Variants in CLMP observed in about 807,000 individuals in gnomAD.
CLMP encodes the protein CXADR-like membrane protein.
CLMP carries 27 observed loss-of-function variants against 45.2 expected under a neutral mutation model. The observed-to-expected ratio is 0.60, with a 90% CI of 0.44 to 0.82. The LOEUF (loss-of-function observed/expected upper bound fraction) is 0.82. Among genes scored for constraint, CLMP ranks in the 40% least tolerant of loss-of-function variants. The pLI is 0.00. For missense variants in CLMP, 403 were observed against 448.4 expected, an observed-to-expected ratio of 0.90 and a Z score of 0.91; for synonymous variants, 167 against 171.4, an observed-to-expected ratio of 0.97 and a Z score of 0.20.
intron 1 of CLMP, among the ~76,000 whole-genome samples, chr11:123,160,901 C>A (rs967973339): frequency 1.3e-5 from 2 of 151,496 alleles, no homozygotes; most frequent in African/African-American, 2.4e-5. Context: ...TTGCTTGAAC[C>A]CAGGAGGTGG....
rs568282136 is a variant in CLMP at position 123,164,595 on chromosome 11, T to C, written c.28+30318A>G. ...CTGGAGTTAAAGATGTGAGCCACCA[T>C]GCCTGGCTTGATTTTTTTTTTTTTA... On this transcript the variant is annotated intron_variant, in intron 1 of 6. Coordinates refer to ENST00000448775, the MANE Select transcript of CLMP (RefSeq NM_024769.5). 3.9e-5 allele frequency among the ~76,000 whole-genome samples: 6 copies of C among 152,174 alleles called. No individual in the cohort carries two copies. In the East Asian group the frequency reaches 7.7e-4, roughly 20 times the overall value.
chr11:123,081,985 G>C (rs1865809687), intron 5 of CLMP, among the ~76,000 whole-genome samples: 1 of 152,198 alleles, frequency 6.6e-6, no homozygotes, highest in South Asian at 2.1e-4. Flanking sequence ...TTGAAATCCA[G>C]GCAGTTATCT....
In CLMP at chr11:123,195,019, G is replaced by T. The variant is rs1861962511; in HGVS notation, c.-79C>A. On this transcript the variant is annotated 5_prime_UTR_variant, in exon 1 of 7. Coordinates refer to ENST00000448775, the MANE Select transcript of CLMP (RefSeq NM_024769.5). ...CGGCCGGGCGCCTCCGACGGACCTC[G>T]GGCGAGCTGGGCGCGGCGCCTCGGG... 3 of 1,429,034 alleles carry T rather than the reference G, an allele frequency of 2.1e-6. No homozygotes were observed. Among genetic ancestry groups the T allele is most frequent in the Non-Finnish European group, 2.8e-6 (3 of 1,063,700 alleles). The allele number at this position is 1,429,034 out of a possible 1,614,324, so 88.5% of individuals were successfully genotyped here. A position where few individuals can be genotyped will look rare whatever the true frequency, so the allele number is the denominator to read the frequency against.
At chr11:123,111,294 C>G (rs145086763) in intron 1 of CLMP, among the ~76,000 whole-genome samples, 1 of 152,138 alleles carries the variant, frequency 6.6e-6, no homozygotes, top group South Asian at 2.1e-4. Flanking sequence ...CCACACCCAG[C>G]TCATTTTTGT....
chr11:123,111,564 C>G (rs1168651356), intron 1 of CLMP, among the ~76,000 whole-genome samples: 2 of 152,134 alleles, frequency 1.3e-5, no homozygotes, highest in Non-Finnish European at 2.9e-5. Context: ...TTCTGTTGCT[C>G]TTTTAATCCA....
At position 123,158,089 on chromosome 11, in the gene CLMP, A is replaced by G. The variant is rs1053266240; in HGVS notation, c.28+36824T>C. 2.0e-5 allele frequency among the ~76,000 whole-genome samples: 3 copies of G among 152,088 alleles called. No homozygotes were observed. The East Asian group carries it at 5.8e-4, about 29-fold the overall frequency. On this transcript the variant is annotated intron_variant, in intron 1 of 6. Coordinates refer to ENST00000448775, the MANE Select transcript of CLMP (RefSeq NM_024769.5). ...AAAGTACTCTGTACTGCTTCACTCA[A>G]ACTCCGACACCCAGCAAGCCTTTGT...
chr11:123,082,938 G>A, intron 5 of CLMP, 147 bp downstream of exon 5: 1 of 939,756 alleles, frequency 1.1e-6, no homozygotes, highest in Middle Eastern at 2.4e-4. Flanking sequence ...TGCAACTACT[G>A]AATTTATTTT....
At chr11:123,083,640 T>A in intron 4 of CLMP, 40 bp downstream of exon 4, 2 of 1,604,638 alleles carry the variant, frequency 1.2e-6, no homozygotes, top group Non-Finnish European at 1.7e-6. Context: ...GATAGAGGAC[T>A]ATTTTGTTGG....
chr11:123,106,432 C>A (rs1036513148), intron 1 of CLMP, among the ~76,000 whole-genome samples: 1 of 96,378 alleles, frequency 1.0e-5, no homozygotes, highest in Non-Finnish European at 2.1e-5. Context: ...TGTGCGCGCG[C>A]GCGCGCGCAC....
chr11:123,178,216 T>C (rs1212153186), intron 1 of CLMP, among the ~76,000 whole-genome samples: 1 of 152,186 alleles, frequency 6.6e-6, no homozygotes. Context: ...ATGACCTCCA[T>C]AGAGCAATGG....
intron 5 of CLMP, among the ~76,000 whole-genome samples, chr11:123,077,619 C>G (rs1865756017): frequency 6.6e-6 from 1 of 152,110 alleles, no homozygotes; most frequent in Non-Finnish European, 1.5e-5. Flanking sequence ...AGCCACATGC[C>G]CAGCCAAAAT....
At chr11:123,170,553 C>T (rs1301886704) in intron 1 of CLMP, among the ~76,000 whole-genome samples, 3 of 151,804 alleles carry the variant, frequency 2.0e-5, no homozygotes, top group African/African-American at 7.3e-5. Flanking sequence ...GATTCTCCTG[C>T]CTCTGCCTCC....
chr11:123,121,615 T>A (rs184838922), intron 1 of CLMP, among the ~76,000 whole-genome samples: 1 of 152,098 alleles, frequency 6.6e-6, no homozygotes, highest in East Asian at 1.9e-4. Context: ...AATTTTAAAA[T>A]CACATATCTG....
intron 1 of CLMP, among the ~76,000 whole-genome samples, chr11:123,106,400 T>C (rs1328098167): frequency 1.7e-5 from 2 of 119,018 alleles, no homozygotes; most frequent in African/African-American, 3.1e-5. Context: ...TGTGTGTGTG[T>C]GTGTGTGTGT....
chr11:123,158,619 C>T (rs953207247), intron 1 of CLMP, among the ~76,000 whole-genome samples: 2 of 152,184 alleles, frequency 1.3e-5, no homozygotes, highest in South Asian at 4.1e-4. Context: ...CAGTAGACCA[C>T]AAAGCCAGGA....
rs1865694859 is a variant in CLMP, at chr11:123,073,258, A to G, written c.*216T>C. 1.9e-6 allele frequency: 1 copy of G among 524,702 alleles called. No homozygotes were observed. The highest frequency in any genetic ancestry group is 1.9e-5 in the African/African-American group (1 of 52,612). The allele number at this position is 524,702 out of a possible 1,614,324, so 32.5% of individuals were successfully genotyped here. ...TTCCCTTACTCTGGTCTAAAGGCACAATAAGATGCCTTTTTACAGATGAAT... is the reference window on the plus strand; with the variant it reads ...TTCCCTTACTCTGGTCTAAAGGCACGATAAGATGCCTTTTTACAGATGAAT... On this transcript the variant is annotated 3_prime_UTR_variant, in exon 7 of 7. Transcript: ENST00000448775.
intron 1 of CLMP, among the ~76,000 whole-genome samples, chr11:123,189,841 A>C (rs1861882417): frequency 1.3e-5 from 2 of 152,054 alleles, no homozygotes; most frequent in Admixed American, 6.6e-5. Context: ...TCTCTATTAA[A>C]AATACAAAAA....
intron 1 of CLMP, among the ~76,000 whole-genome samples, chr11:123,106,796 G>A (rs113058453): frequency 0.098 from 14,806 of 151,814 alleles, 828 homozygotes; most frequent in East Asian, 0.17. Flanking sequence ...CGAGGTGGGC[G>A]GATCACGAGG....
intron 1 of CLMP, among the ~76,000 whole-genome samples, chr11:123,132,934 A>C (rs1208217482): frequency 6.6e-6 from 1 of 151,392 alleles, no homozygotes; most frequent in African/African-American, 2.4e-5. Context: ...TGCCCAGCTA[A>C]TTTTTGTATT....
Sources: allele counts gnomAD v4.1 joint callset (sites outside exome capture counted in the v4.1 genomes callset), GRCh38; gene constraint gnomAD v4.1.1; transcripts MANE v1.5; gene names NCBI Gene and HGNC (gene_info 2026-07-23, HGNC 2026-07-21).